MYO5C: variants seen among roughly 807,000 people sequenced by gnomAD.
MYO5C encodes myosin VC.
Under a neutral mutation model 235.7 loss-of-function variants are expected in MYO5C, and 194 were observed. That is an observed-to-expected ratio of 0.82 (90% CI 0.73 to 0.93). The LOEUF is 0.93. MYO5C is among the 40% of genes least tolerant of loss of function. The probability of loss-of-function intolerance (pLI) is 0.00; values close to 1 mark genes in which losing one functional copy is unlikely to be tolerated. For missense variants in MYO5C, 2,038 were observed against 2,127.2 expected (o/e 0.96, Z 0.82); for synonymous variants, 707 against 754.8 (o/e 0.94, Z 1.04).
chr15:52,205,045 G>C lies in MYO5C; in HGVS notation c.4640C>G (p.Thr1547Ser), dbSNP rs552769435. ...CAGCTGTTGCAGGACGGAGGTCATG[G>C]TGTAGCCGTCCGTGTCGTCTATGCT... ...SSSIDDTDGY[T>S]MTSVLQQLSY... Residue 1547 changes from threonine to serine, a missense_variant, in exon 38 of 41, where the codon ACC becomes AGC. By Grantham distance (58) the Thr-to-Ser change is moderately conservative (BLOSUM62 1). Coordinates refer to ENST00000261839, the MANE Select transcript of MYO5C (RefSeq NM_018728.4). 3.0e-5 allele frequency: 49 copies of C among 1,614,220 alleles called. No individual in the cohort carries two copies. In the East Asian group the frequency reaches 1.0e-3, roughly 35 times the overall value.
At position 52,225,158 on chromosome 15, in the gene MYO5C, T is replaced by C. The variant is rs374811120; in HGVS notation, c.3302-20A>G. 5.6e-6 allele frequency: 9 copies of C among 1,612,646 alleles called. No individual in the cohort carries two copies. Among genetic ancestry groups the C allele is most frequent in the Non-Finnish European group, 7.6e-6 (9 of 1,179,138 alleles). On this transcript the variant is annotated intron_variant, in intron 26 of 40. Transcript: ENST00000261839. The stretch of plus-strand genomic sequence containing the variant: ...TCTTTTCTGAAAGGGAAAGGCAGAG[T>C]TGTATATATTACATTTGTGGATGAT...
At chr15:52,256,861 TTAATGATATCCTAG>T (rs2036596346) in intron 10 of MYO5C, 141 bp from the exon 11 acceptor site, 1 of 627,258 alleles carries the variant, frequency 1.6e-6, no homozygotes, top group African/African-American at 1.8e-5. Flanking sequence ...GCTTCTGGTT[TTAATGATATCCTAG>T]TAGTCAGTTT....
intron 22 of MYO5C, among the ~76,000 whole-genome samples, chr15:52,236,179 A>G (rs1465442650): frequency 6.6e-6 from 1 of 152,262 alleles, no homozygotes; most frequent in African/African-American, 2.4e-5. Flanking sequence ...GTGTGAGCAC[A>G]GCAGGATTCC....
intron 36 of MYO5C, among the ~76,000 whole-genome samples, chr15:52,206,289 C>T (rs955388747): frequency 2.0e-5 from 3 of 151,990 alleles, no homozygotes; most frequent in Admixed American, 6.5e-5. Flanking sequence ...TTCAAGGAAA[C>T]AAACTGCTAT....
Position 52,213,168 on chromosome 15 carries a change from A to G in MYO5C, c.4141+20T>C. The G allele has an allele frequency of 3.1e-6, 5 of 1,600,386 alleles. No homozygotes were observed. The Admixed American group carries it at 8.3e-5, about 27-fold the overall frequency. On this transcript the variant is annotated intron_variant, in intron 34 of 40. Coordinates refer to ENST00000261839, the MANE Select transcript of MYO5C (RefSeq NM_018728.4). ...GTTCTCAAAGAGAAAGCAAAAATCC[A>G]GAGTTCCAGGTTTCACTACCAAGAA... is the stretch of plus-strand genomic sequence containing the variant.
chr15:52,254,666 G>A (rs1190338878), intron 11 of MYO5C, among the ~76,000 whole-genome samples: 2 of 151,678 alleles, frequency 1.3e-5, no homozygotes, highest in Non-Finnish European at 2.9e-5. Context: ...GGAAGAGAAG[G>A]AGGAGGAAGT....
chr15:52,199,298 G>C (rs2035129514), intron 38 of MYO5C, among the ~76,000 whole-genome samples: 1 of 152,102 alleles, frequency 6.6e-6, no homozygotes, highest in Admixed American at 6.5e-5. Flanking sequence ...TCTGAATTTT[G>C]AGCACATTAA....
intron 1 of MYO5C, among the ~76,000 whole-genome samples, chr15:52,285,379 A>AC (rs1217081761): frequency 6.7e-6 from 1 of 148,928 alleles, no homozygotes; most frequent in Non-Finnish European, 1.5e-5. Flanking sequence ...AAATGAAAAA[A>AC]AAACAAACAG....
At chr15:52,275,490 AG>A in intron 5 of MYO5C, 71 bp downstream of exon 5, 1 of 1,577,136 alleles carries the variant, frequency 6.3e-7, no homozygotes, top group Non-Finnish European at 8.7e-7. Flanking sequence ...TGAATTAGCC[AG>A]GAGAGCACAC....
At chr15:52,194,109 C>T (rs11855672) in intron 40 of MYO5C, 55 bp from the exon 41 acceptor site, 268,647 of 1,562,414 alleles carry the variant, frequency 0.17, 24,682 homozygotes, top group Admixed American at 0.33. Flanking sequence ...TTCTGCTTTA[C>T]TGCTACCTGA....
intron 1 of MYO5C, among the ~76,000 whole-genome samples, chr15:52,283,964 C>T (rs1297833915): frequency 6.6e-6 from 1 of 152,160 alleles, no homozygotes; most frequent in Non-Finnish European, 1.5e-5. Context: ...CATGAGCCAC[C>T]ACGCCTGGCA....
In MYO5C at chr15:52,195,962, C is replaced by CTTTTTTTTTTTTTTT. The variant is rs71130140; in HGVS notation, c.4995+332_4995+346dup. On this transcript the variant is annotated intron_variant, in intron 39 of 40. Coordinates refer to ENST00000261839, the MANE Select transcript of MYO5C (RefSeq NM_018728.4). ...CAAAGGTGTGTGCCATCACACCCAG[C>CTTTTTTTTTTTTTTT]TTTTTTTTTTTTTTTTTTTTTTTTT... is the stretch of plus-strand genomic sequence containing the variant. Among the ~76,000 whole-genome samples the CTTTTTTTTTTTTTTT allele has an allele frequency of 8.6e-5, 7 of 80,994 alleles. 1 individual carries two copies. The highest frequency in any genetic ancestry group is 2.0e-4 in the African/African-American group (3 of 15,338). 53.1% of individuals were successfully genotyped at this position (80,994 alleles called of 152,430 possible). A position where few individuals can be genotyped will look rare whatever the true frequency, so the allele number is the denominator to read the frequency against.
intron 25 of MYO5C, among the ~76,000 whole-genome samples, chr15:52,226,885 C>T (rs12906784): frequency 0.17 from 26,286 of 152,070 alleles, 4,261 homozygotes; most frequent in East Asian, 0.6. Flanking sequence ...CGGTGGCTCA[C>T]GCCTGTAATC....
rs538844833 is a variant in MYO5C at position 52,209,950 on chromosome 15, T to G, written c.4297-1307A>C. 2.0e-3 allele frequency among the ~76,000 whole-genome samples: 310 copies of G among 152,288 alleles called. 6 individuals are homozygous for G. The highest frequency in any genetic ancestry group is 0.015 in the East Asian group (77 of 5,186). ...TTTTATATTTCTTTCTTCCTAGAGTTTATTAATTAATTAATTAATTTATTT... is the reference window on the plus strand; with the variant it reads ...TTTTATATTTCTTTCTTCCTAGAGTGTATTAATTAATTAATTAATTTATTT... On this transcript the variant is annotated intron_variant, in intron 35 of 40. Coordinates refer to ENST00000261839, the MANE Select transcript of MYO5C (RefSeq NM_018728.4).
intron 14 of MYO5C, among the ~76,000 whole-genome samples, chr15:52,248,169 T>C (rs574257608): frequency 2.0e-5 from 3 of 152,296 alleles, no homozygotes; most frequent in African/African-American, 7.2e-5. Flanking sequence ...TGAGACAGGG[T>C]CTTGCTCTGC....
At chr15:52,281,132 C>T (rs1380571150) in intron 2 of MYO5C, among the ~76,000 whole-genome samples, 1 of 152,176 alleles carries the variant, frequency 6.6e-6, no homozygotes, top group Non-Finnish European at 1.5e-5. Context: ...AATCCACAAC[C>T]CCCACTTCTG....
At chr15:52,272,499 T>C in intron 6 of MYO5C, 81 bp downstream of exon 6, 1 of 1,368,468 alleles carries the variant, frequency 7.3e-7, no homozygotes, top group Non-Finnish European at 1.0e-6. Context: ...CAGCATAGTG[T>C]AGCTTGCCTG....
At chr15:52,220,816 C>A (rs2035663719) in intron 30 of MYO5C, among the ~76,000 whole-genome samples, 1 of 145,978 alleles carries the variant, frequency 6.9e-6, no homozygotes. Flanking sequence ...AAGGGCGAAA[C>A]TCAGTCTCAA....
Position 52,204,910 on chromosome 15 carries a change from A to G in MYO5C, c.4775T>C (p.Phe1592Ser). 1.2e-6 allele frequency: 2 copies of G among 1,614,242 alleles called. No homozygotes were observed. The highest frequency in any genetic ancestry group is 3.3e-4 in the Middle Eastern group (2 of 6,060). Reference protein sequence around the residue: ...LIGAVTLNSLFLRKDMCSCRK... With the variant: ...LIGAVTLNSLSLRKDMCSCRK... Reference sequence around the variant, plus strand: ...GCAGGAGCACATGTCCTTGCGCAGGAAGAGGCTGTTCAGCGTGACCGCCCC... The same window carrying G: ...GCAGGAGCACATGTCCTTGCGCAGGGAGAGGCTGTTCAGCGTGACCGCCCC... Residue 1592 changes from phenylalanine to serine, a missense_variant, in exon 38 of 41, where the codon TTC (phenylalanine) becomes TCC (serine). Physicochemically the swap from Phe to Ser is radical, Grantham distance 155. Coordinates refer to ENST00000261839, the MANE Select transcript of MYO5C (RefSeq NM_018728.4).
Sources: gnomAD v4.1 joint callset for allele counts (sites outside exome capture counted in the v4.1 genomes callset) on GRCh38, gnomAD v4.1.1 for gene constraint, MANE v1.5 for transcripts, NCBI Gene and HGNC (gene_info 2026-07-23, HGNC 2026-07-21) for gene names.